Variants in AFG2A observed in about 807,000 individuals in gnomAD.
AFG2A encodes the protein ATPase family gene 2 protein homolog A.
chr4:123,272,177 T>C, the AFG2A span, among the ~76,000 whole-genome samples: 1 of 152,190 alleles, frequency 6.6e-6, no homozygotes, highest in Non-Finnish European at 1.5e-5. Context: ...TGCTTCTGAC[T>C]GGTAGAAAAT....
chr4:123,282,877 C>T, the AFG2A span, among the ~76,000 whole-genome samples: 2 of 151,638 alleles, frequency 1.3e-5, no homozygotes, highest in East Asian at 3.9e-4. Flanking sequence ...TTGTATCAAG[C>T]CTATCAAGAC....
chr4:123,189,874 G>T, the AFG2A span, among the ~76,000 whole-genome samples: 1 of 131,204 alleles, frequency 7.6e-6, no homozygotes, highest in Non-Finnish European at 1.5e-5. Context: ...GAGTGCAGTG[G>T]CAAGATCATG....
the AFG2A span, among the ~76,000 whole-genome samples, chr4:123,298,112 T>TAC: frequency 0.56 from 83,476 of 150,160 alleles, 25,566 homozygotes; most frequent in Non-Finnish European, 0.67. Flanking sequence ...TGCATACACA[T>TAC]ACACACACAC....
chr4:123,027,589 G>C, the AFG2A span, among the ~76,000 whole-genome samples: 1 of 152,108 alleles, frequency 6.6e-6, no homozygotes, highest in African/African-American at 2.4e-5. Flanking sequence ...GTTATAGTTA[G>C]TTCTTTAACG....
At chr4:123,314,127 T>C in the AFG2A span, 1 of 1,402,902 alleles carries the variant, frequency 7.1e-7, no homozygotes, top group South Asian at 1.8e-5. Flanking sequence ...CTTTTTAAAA[T>C]TTTTTGAGAG....
At chr4:123,199,936 C>T in the AFG2A span, among the ~76,000 whole-genome samples, 1 of 152,032 alleles carries the variant, frequency 6.6e-6, no homozygotes, top group East Asian at 1.9e-4. Context: ...TTCATCTTTA[C>T]TAAATTTTTC....
chr4:123,024,227 C>CAAAAAAAAAAAAAAAAAA, the AFG2A span, among the ~76,000 whole-genome samples: 2 of 123,660 alleles, frequency 1.6e-5, no homozygotes, highest in Non-Finnish European at 3.2e-5. Context: ...AGACTATAAG[C>CAAAAAAAAAAAAAAAAAA]AAAAAAAAAA....
At chr4:123,243,182 A>G in the AFG2A span, among the ~76,000 whole-genome samples, 1 of 152,220 alleles carries the variant, frequency 6.6e-6, no homozygotes. Flanking sequence ...TGTGGAAGAC[A>G]GTGTGGTGAT....
the AFG2A span, among the ~76,000 whole-genome samples, chr4:123,055,573 G>A: frequency 6.6e-6 from 1 of 152,132 alleles, no homozygotes; most frequent in Non-Finnish European, 1.5e-5. Flanking sequence ...AATATAAATT[G>A]TTTAGGAAAT....
chr4:122,939,071 C>CTCTCTTTTTTTTTTTTTTTTTT, the AFG2A span, among the ~76,000 whole-genome samples: 69 of 76,210 alleles, frequency 9.1e-4, 33 homozygotes, highest in Non-Finnish European at 9.8e-4. Flanking sequence ...GGGATATGTT[C>CTCTCTTTTTTTTTTTTTTTTTT]TTTCTTTTTT....
chr4:122,952,044 T>C, the AFG2A span, among the ~76,000 whole-genome samples: 3 of 152,208 alleles, frequency 2.0e-5, no homozygotes, highest in African/African-American at 7.2e-5. Context: ...CTTCAGTTTC[T>C]GGAAGATACC....
the AFG2A span, among the ~76,000 whole-genome samples, chr4:123,007,730 T>C: frequency 6.6e-6 from 1 of 150,710 alleles, no homozygotes; most frequent in Admixed American, 6.6e-5. Context: ...TTATCTCCAG[T>C]ACTCTACCCT....
chr4:122,955,137 G>C, the AFG2A span, among the ~76,000 whole-genome samples: 1 of 152,138 alleles, frequency 6.6e-6, no homozygotes, highest in Non-Finnish European at 1.5e-5. Context: ...GTTTTATTAG[G>C]GAGAACTAAC....
chr4:123,015,060 C>T, the AFG2A span, among the ~76,000 whole-genome samples: 1 of 152,332 alleles, frequency 6.6e-6, no homozygotes, highest in South Asian at 2.1e-4. Flanking sequence ...TCTTTGAACA[C>T]TCAGCCCTTC....
At chr4:123,203,045 A>G in the AFG2A span, among the ~76,000 whole-genome samples, 1 of 152,120 alleles carries the variant, frequency 6.6e-6, no homozygotes, top group Non-Finnish European at 1.5e-5. Context: ...ATAAATCAAA[A>G]TGTCACATAA....
the AFG2A span, among the ~76,000 whole-genome samples, chr4:123,253,573 G>T: frequency 6.6e-6 from 1 of 151,984 alleles, no homozygotes; most frequent in African/African-American, 2.4e-5. Context: ...TCACTTGAGT[G>T]CAGGAGGTGG....
the AFG2A span, among the ~76,000 whole-genome samples, chr4:122,990,045 T>C: frequency 1.3e-5 from 2 of 152,122 alleles, no homozygotes; most frequent in African/African-American, 4.8e-5. Context: ...ACTTTATTTT[T>C]TGTAGACATG....
chr4:123,114,843 C>G, the AFG2A span, among the ~76,000 whole-genome samples: 628 of 152,364 alleles, frequency 4.1e-3, 1 homozygote, highest in African/African-American at 0.014. Context: ...CCCTGGCCAA[C>G]CCAGCACAAA....
chr4:123,315,797 A>C, the AFG2A span: 1 of 152,186 alleles, frequency 6.6e-6, no homozygotes, highest in Non-Finnish European at 1.5e-5. Context: ...GTTTGTTTAG[A>C]GATAGGATCT....
Sources: allele counts gnomAD v4.1 joint callset (sites outside exome capture counted in the v4.1 genomes callset), GRCh38; gene constraint gnomAD v4.1.1; transcripts MANE v1.5; gene names NCBI Gene and HGNC (gene_info 2026-07-23, HGNC 2026-07-21).